Variants in NRXN3 observed in about 807,000 individuals in gnomAD.
NRXN3 encodes the protein neurexin 3, also known as neurexin III.
Under a neutral mutation model 137.6 loss-of-function variants are expected in NRXN3, and 32 were observed. The ratio of observed to expected loss-of-function variants is 0.23; its 90% CI spans 0.18 to 0.31. The LOEUF (loss-of-function observed/expected upper bound fraction) is 0.31, where lower values mean the gene tolerates loss of function less well. Ranked by LOEUF, NRXN3 falls within the 10% of genes least tolerant of loss-of-function variation. The pLI is 1.00. For missense variants in NRXN3, 1,574 were observed against 2,062.5 expected (o/e 0.76, Z 4.59); for synonymous variants, 798 against 784.5 (o/e 1.02, Z -0.29).
intron 16 of NRXN3, among the ~76,000 whole-genome samples, chr14:79,555,156 G>A (rs1295795790): frequency 6.6e-6 from 1 of 152,144 alleles, no homozygotes; most frequent in Admixed American, 6.6e-5. Flanking sequence ...TCTGAGCTGG[G>A]CCTTGAGCAT....
chr14:78,750,649 C>A (rs2152950954), intron 8 of NRXN3, among the ~76,000 whole-genome samples: 1 of 152,318 alleles, frequency 6.6e-6, no homozygotes, highest in East Asian at 1.9e-4. Flanking sequence ...CAATGAACAA[C>A]ATGGGCCCCA....
intron 15 of NRXN3, among the ~76,000 whole-genome samples, chr14:79,436,832 T>G (rs1288885671): frequency 6.6e-6 from 1 of 152,074 alleles, no homozygotes; most frequent in African/African-American, 2.4e-5. Flanking sequence ...CTTTTAAAAT[T>G]TCTTCTCTGC....
intron 16 of NRXN3, among the ~76,000 whole-genome samples, chr14:79,544,576 C>G (rs1406823656): frequency 6.6e-6 from 1 of 152,152 alleles, no homozygotes; most frequent in Non-Finnish European, 1.5e-5. Flanking sequence ...TTTTCAGATT[C>G]TGGAATTCTG....
At chr14:78,244,873 C>T (rs1394406484) in intron 2 of NRXN3, among the ~76,000 whole-genome samples, 1 of 152,214 alleles carries the variant, frequency 6.6e-6, no homozygotes, top group African/African-American at 2.4e-5. Flanking sequence ...ACCGTGACTT[C>T]CCAGGGAGAA....
In NRXN3 at chr14:79,211,845, G is replaced by A. The variant is rs150190654; in HGVS notation, c.3262+223704G>A. Among the ~76,000 whole-genome samples the A allele has an allele frequency of 6.0e-3, 920 of 152,200 alleles. 5 individuals are homozygous for A. Among genetic ancestry groups the A allele is most frequent in the Non-Finnish European group, 9.6e-3 (652 of 68,008 alleles). ...CAAAACATGATAAACACTTTTTAAAGATATTTGCAGATAAGACTCCCCTAC... is the reference window on the plus strand; with the variant it reads ...CAAAACATGATAAACACTTTTTAAAAATATTTGCAGATAAGACTCCCCTAC... On this transcript the variant is annotated intron_variant, in intron 15 of 20. Transcript: ENST00000335750.
intron 10 of NRXN3, among the ~76,000 whole-genome samples, chr14:78,883,999 G>C (rs188000491): frequency 6.6e-6 from 1 of 152,190 alleles, no homozygotes; most frequent in Non-Finnish European, 1.5e-5. Context: ...CAGACGAATA[G>C]TTCCATGATT....
At chr14:79,082,125 T>G (rs2047149485) in intron 15 of NRXN3, among the ~76,000 whole-genome samples, 1 of 151,854 alleles carries the variant, frequency 6.6e-6, no homozygotes, top group Non-Finnish European at 1.5e-5. Flanking sequence ...TATTTATATA[T>G]CCACTTAAAA....
chr14:78,747,763 C>T (rs17108193), intron 8 of NRXN3, among the ~76,000 whole-genome samples: 6,745 of 152,222 alleles, frequency 0.044, 351 homozygotes, highest in African/African-American at 0.13. Context: ...CTCACACAAT[C>T]GGCCTCTCTT....
chr14:79,259,243 A>G (rs2077197572), intron 15 of NRXN3, among the ~76,000 whole-genome samples: 1 of 152,324 alleles, frequency 6.6e-6, no homozygotes, highest in South Asian at 2.1e-4. Context: ...AATAAAGAAC[A>G]TTGTGTGTCA....
chr14:78,355,266 C>G (rs1342459892), intron 4 of NRXN3, among the ~76,000 whole-genome samples: 3 of 152,180 alleles, frequency 2.0e-5, no homozygotes, highest in African/African-American at 7.2e-5. Context: ...GTTCCCTTAT[C>G]TCTCCCTTTG....
chr14:78,996,985 A>T (rs2099531484), intron 15 of NRXN3, among the ~76,000 whole-genome samples: 1 of 152,124 alleles, frequency 6.6e-6, no homozygotes, highest in African/African-American at 2.4e-5. Flanking sequence ...TGCCCATGGG[A>T]ATCACACTTG....
At chr14:78,206,543 C>A (rs1191275818) in intron 1 of NRXN3, among the ~76,000 whole-genome samples, 1 of 152,026 alleles carries the variant, frequency 6.6e-6, no homozygotes, top group African/African-American at 2.4e-5. Flanking sequence ...CCCAGAGAGC[C>A]CAAGAGAGGA....
At chr14:79,850,206 G>A (rs565443800) in intron 20 of NRXN3, among the ~76,000 whole-genome samples, 131 of 152,312 alleles carry the variant, frequency 8.6e-4, no homozygotes, top group Non-Finnish European at 1.3e-3. Flanking sequence ...CTCCCGGTTT[G>A]TAACTTTTTA....
At chr14:78,956,493 T>A (rs1638271282) in intron 10 of NRXN3, among the ~76,000 whole-genome samples, 1 of 152,202 alleles carries the variant, frequency 6.6e-6, no homozygotes, top group Non-Finnish European at 1.5e-5. Flanking sequence ...GGTTTATTCC[T>A]CTATTTAGTG....
chr14:78,779,048 G>T (rs1317871885), intron 8 of NRXN3, among the ~76,000 whole-genome samples: 1 of 151,816 alleles, frequency 6.6e-6, no homozygotes, highest in Admixed American at 6.6e-5. Context: ...AACCAACATA[G>T]ACCCAATTTT....
intron 10 of NRXN3, among the ~76,000 whole-genome samples, chr14:78,833,027 C>T (rs754231803): frequency 1.3e-5 from 2 of 152,124 alleles, no homozygotes; most frequent in Non-Finnish European, 2.9e-5. Flanking sequence ...GATTTGTAAC[C>T]TAGGGGTTGG....
rs186641508 is a variant in NRXN3, at chr14:79,578,591, G to A, written c.3445-85187G>A. ...TAAACAAAGATGTGGCTCCTACTAG[G>A]CATGCTCCTCCTAGGGCTAAAAGAT... On this transcript the variant is annotated intron_variant, in intron 16 of 20. Transcript: ENST00000335750. 2.1e-4 allele frequency among the ~76,000 whole-genome samples: 32 copies of A among 152,204 alleles called. No individual in the cohort carries two copies. In the East Asian group the frequency reaches 3.1e-3, roughly 15 times the overall value.
chr14:79,512,270 A>G (rs576709516), intron 16 of NRXN3, among the ~76,000 whole-genome samples: 4 of 152,334 alleles, frequency 2.6e-5, no homozygotes, highest in African/African-American at 9.6e-5. Flanking sequence ...TGTGGAGTCT[A>G]GAATTTGACT....
intron 4 of NRXN3, among the ~76,000 whole-genome samples, chr14:78,373,446 G>A (rs942561425): frequency 1.3e-5 from 2 of 152,176 alleles, no homozygotes; most frequent in African/African-American, 4.8e-5. Flanking sequence ...GTGCAAAACA[G>A]CTGGGTTTTG....
Sources: allele counts gnomAD v4.1 joint callset (sites outside exome capture counted in the v4.1 genomes callset), GRCh38; gene constraint gnomAD v4.1.1; transcripts MANE v1.5; gene names NCBI Gene and HGNC (gene_info 2026-07-23, HGNC 2026-07-21).